The following FCGR2B variants were observed in gnomAD, a reference collection of about 807,000 sequenced individuals.
FCGR2B encodes Fc gamma receptor IIb.
FCGR2B carries 18 observed loss-of-function variants against 24.8 expected under a neutral mutation model. The ratio of observed to expected loss-of-function variants is 0.73; its 90% CI spans 0.50 to 1.08. The LOEUF is 1.08. FCGR2B is among the 50% of genes least tolerant of loss of function. The pLI is 0.00. For synonymous variants in FCGR2B, 79 were observed against 109.8 expected, an observed-to-expected ratio of 0.72 and a Z score of 1.75; for missense variants, 215 against 297.6, an observed-to-expected ratio of 0.72 and a Z score of 2.04.
Position 161,677,904 on chromosome 1 carries a change from T to G in FCGR2B, c.*351T>G. The G allele has an allele frequency of 3.7e-6, 1 of 268,374 alleles. No homozygotes were observed. The allele number at this position is 268,374 out of a possible 1,614,324, so 16.6% of individuals were successfully genotyped here. On this transcript the variant is annotated 3_prime_UTR_variant, in exon 8 of 8. Coordinates refer to ENST00000358671, the MANE Select transcript of FCGR2B (RefSeq NM_001394477.1). ...TTACGTGAGAACAATCATGTAAATC[T>G]ATATGATTTCAGAAATGTTAAAATA...
rs181249089 is a variant in FCGR2B at position 161,671,420 on chromosome 1, C to G, written c.162C>G (p.Leu54=). 13 of 1,614,174 alleles carry G rather than the reference C, an allele frequency of 8.1e-6. No individual in the cohort carries two copies. Among genetic ancestry groups the G allele is most frequent in the Middle Eastern group, 1.6e-4 (1 of 6,062 alleles). ...CTCCCCCAAAGGCTGTGCTGAAACT[C>G]GAGCCCCAGTGGATCAACGTGCTCC... The part of the protein sequence containing the change: ...PAAPPKAVLK[L]EPQWINVLQE... Residue 54 remains leucine, a synonymous_variant, in exon 3 of 8, where the codon CTC becomes CTG. Coordinates refer to ENST00000358671, the MANE Select transcript of FCGR2B (RefSeq NM_001394477.1).
At chr1:161,675,804 C>G (rs1682075477) in intron 6 of FCGR2B, 1 of 234,688 alleles carries the variant, frequency 4.3e-6, no homozygotes, top group Non-Finnish European at 8.4e-6. Flanking sequence ...GTCTGTGGAA[C>G]ACTAGGAGGA....
At chr1:161,671,811 T>A in intron 3 of FCGR2B, 162 bp downstream of exon 3, 1 of 1,395,032 alleles carries the variant, frequency 7.2e-7, no homozygotes, top group Non-Finnish European at 9.6e-7. Flanking sequence ...TCAGTTCTGA[T>A]TGAACAGAAG....
At chr1:161,672,642 G>C in intron 3 of FCGR2B, 1 of 426,770 alleles carries the variant, frequency 2.3e-6, no homozygotes, top group Non-Finnish European at 4.2e-6. Context: ...TGTTCTTCCT[G>C]CAGAGGCCTG....
the FCGR2B span, among the ~76,000 whole-genome samples, chr1:161,656,285 G>A: frequency 7.5e-6 from 1 of 133,864 alleles, no homozygotes; most frequent in Non-Finnish European, 1.7e-5. Flanking sequence ...TCAGGACAGA[G>A]ACCACTGTTC....
At chr1:161,648,812 C>A in the FCGR2B span, among the ~76,000 whole-genome samples, 7 of 150,742 alleles carry the variant, frequency 4.6e-5, no homozygotes, top group African/African-American at 1.7e-4. Context: ...GCCTCAGCCT[C>A]CAGAGTAGAT....
chr1:161,656,937 GTTTCTTTTTTCTTT>G, the FCGR2B span, among the ~76,000 whole-genome samples: 5 of 71,016 alleles, frequency 7.0e-5, no homozygotes, highest in South Asian at 6.0e-4. Context: ...GGCAAGATTT[GTTTCTTTTTTCTTT>G]TTTCTTTTTT....
the FCGR2B span, among the ~76,000 whole-genome samples, chr1:161,648,228 T>C: frequency 1.4e-5 from 2 of 147,792 alleles, no homozygotes; most frequent in African/African-American, 5.0e-5. Flanking sequence ...CACTCTCAGA[T>C]GCTATGTGCC....
At chr1:161,674,408 A>C (rs1423951828) in intron 5 of FCGR2B, 3 of 370,774 alleles carry the variant, frequency 8.1e-6, no homozygotes, top group Non-Finnish European at 1.6e-5. Flanking sequence ...CTAGGATAGA[A>C]GTACAGAGGA....
chr1:161,671,071 G>A (rs1681601796), intron 2 of FCGR2B, among the ~76,000 whole-genome samples: 1 of 152,118 alleles, frequency 6.6e-6, no homozygotes, highest in African/African-American at 2.4e-5. Flanking sequence ...GTGTGTCTGT[G>A]CTGGTGGGGA....
rs1444121354 is a variant in FCGR2B at position 161,669,527 on chromosome 1, G to A, written c.113-725G>A. Among the ~76,000 whole-genome samples, 8 of 142,518 alleles carry A rather than the reference G, an allele frequency of 5.6e-5. 1 individual carries two copies. Among genetic ancestry groups the A allele is most frequent in the Non-Finnish European group, 9.5e-5 (6 of 63,306 alleles). The allele number at this position is 142,518 out of a possible 152,430, so 93.5% of individuals were successfully genotyped here. A position where few individuals can be genotyped will look rare whatever the true frequency, so the allele number is the denominator to read the frequency against. ...GGAGGTTGCAGTGAGCCAAGATCGC[G>A]TTATTGCACTCCAGCCTGGGTGACA... On this transcript the variant is annotated intron_variant, in intron 1 of 7. Coordinates refer to ENST00000358671, the MANE Select transcript of FCGR2B (RefSeq NM_001394477.1).
the FCGR2B span, among the ~76,000 whole-genome samples, chr1:161,648,192 C>T: frequency 1.3e-5 from 2 of 148,450 alleles, no homozygotes; most frequent in South Asian, 2.2e-4. Context: ...GCATCCTGTG[C>T]CGTGGGGCAG....
rs1682252530 is a variant in FCGR2B, at chr1:161,677,520, T to C, written c.900T>C (p.Ala300=). ...ITYSLLMHPD[A]LEEPDDQNRI ...ATTCACTTCTCATGCACCCGGATGC[T>C]CTGGAAGAGCCTGATGACCAGAACC... is the stretch of plus-strand genomic sequence containing the variant. Residue 300 remains alanine, a synonymous_variant, in exon 8 of 8, where the codon GCT becomes GCC. Coordinates refer to ENST00000358671, the MANE Select transcript of FCGR2B (RefSeq NM_001394477.1). The C allele has an allele frequency of 1.9e-6, 3 of 1,613,868 alleles. No individual in the cohort carries two copies. The African/African-American group carries it at 4.0e-5, about 22-fold the overall frequency.
chr1:161,676,493 G>A lies in FCGR2B; in HGVS notation c.818-835G>A, dbSNP rs182667270. On this transcript the variant is annotated intron_variant, in intron 6 of 7. Coordinates refer to ENST00000358671, the MANE Select transcript of FCGR2B (RefSeq NM_001394477.1). Reference sequence around the variant, plus strand: ...AGGCACTTTTGCAGCCAGGCATTGGGGCTGCATAAATGGTTTTTTAAAAAT... The same window carrying A: ...AGGCACTTTTGCAGCCAGGCATTGGAGCTGCATAAATGGTTTTTTAAAAAT... The A allele has an allele frequency of 1.5e-3, 272 of 176,182 alleles. 1 individual carries two copies. The highest frequency in any genetic ancestry group is 6.1e-3 in the African/African-American group (257 of 42,262). The allele number at this position is 176,182 out of a possible 1,614,324, so 10.9% of individuals were successfully genotyped here. A position where few individuals can be genotyped will look rare whatever the true frequency, so the allele number is the denominator to read the frequency against.
chr1:161,653,538 TA>T, the FCGR2B span, among the ~76,000 whole-genome samples: 1 of 143,552 alleles, frequency 7.0e-6, no homozygotes, highest in African/African-American at 2.5e-5. Flanking sequence ...GAGGTCAAAA[TA>T]GCTATGAGTG....
At chr1:161,675,130 G>T (rs1300710368) in intron 5 of FCGR2B, 127 bp from the exon 6 acceptor site, 9 of 646,410 alleles carry the variant, frequency 1.4e-5, no homozygotes, top group Non-Finnish European at 2.1e-5. Context: ...CTGGGGGTGG[G>T]AGGACAGGAA....
chr1:161,671,495 C>T lies in FCGR2B; in HGVS notation c.237C>T (p.Ser79=), dbSNP rs1199524085. ...GCCGGGGGACTCACAGCCCTGAGAGCGACTCCATTCAGTGGTTCCACAATG... is the reference window on the plus strand; with the variant it reads ...GCCGGGGGACTCACAGCCCTGAGAGTGACTCCATTCAGTGGTTCCACAATG... ...LTCRGTHSPE[S]DSIQWFHNGN... The change falls in exon 3 of 8, where the codon AGC becomes AGT. Residue 79 remains serine (S), a synonymous_variant. Transcript: ENST00000358671. 46 of 1,614,180 alleles carry T rather than the reference C, an allele frequency of 2.8e-5. No individual in the cohort carries two copies. The highest frequency in any genetic ancestry group is 1.6e-4 in the Middle Eastern group (1 of 6,062).
At chr1:161,672,824 A>G in intron 3 of FCGR2B, 151 bp from the exon 4 acceptor site, 1 of 1,261,626 alleles carries the variant, frequency 7.9e-7, no homozygotes, top group Non-Finnish European at 1.1e-6. Flanking sequence ...AAGAGTTCAT[A>G]AATGACAGAG....
At chr1:161,649,374 A>G in the FCGR2B span, among the ~76,000 whole-genome samples, 2 of 151,002 alleles carry the variant, frequency 1.3e-5, 1 homozygote, top group African/African-American at 4.9e-5. Flanking sequence ...GTTTTGCAGA[A>G]GAGGGCTGAA....
Sources: allele counts gnomAD v4.1 joint callset (sites outside exome capture counted in the v4.1 genomes callset), GRCh38; gene constraint gnomAD v4.1.1; transcripts MANE v1.5; gene names NCBI Gene and HGNC (gene_info 2026-07-23, HGNC 2026-07-21).